DDX60: variants seen among roughly 807,000 people sequenced by gnomAD.
DDX60 encodes the protein probable ATP-dependent RNA helicase DDX60.
A neutral mutation model predicts 212.8 loss-of-function variants in DDX60; 165 were observed. The ratio of observed to expected loss-of-function variants is 0.78; its 90% CI spans 0.68 to 0.88. The LOEUF (loss-of-function observed/expected upper bound fraction) is 0.88, where lower values mean the gene tolerates loss of function less well. Ranked by LOEUF, DDX60 falls within the 40% of genes least tolerant of loss-of-function variation. The pLI is 0.00. For synonymous variants in DDX60, 703 were observed against 685.3 expected (o/e 1.03, Z -0.40); for missense variants, 1,905 against 2,003.9 (o/e 0.95, Z 0.94).
intron 8 of DDX60, among the ~76,000 whole-genome samples, chr4:168,289,779 C>T (rs996648678): frequency 6.6e-6 from 1 of 152,166 alleles, no homozygotes; most frequent in African/African-American, 2.4e-5. Context: ...TCCTTTCCCT[C>T]GTTACCCATA....
At chr4:168,256,242 G>T in intron 25 of DDX60, among the ~76,000 whole-genome samples, 1 of 151,904 alleles carries the variant, frequency 6.6e-6, no homozygotes, top group East Asian at 1.9e-4. Context: ...CCATTTATAT[G>T]CAGAAGACAG....
Position 168,308,056 on chromosome 4 carries a change from G to A in DDX60, c.214C>T (p.Leu72Phe), listed in dbSNP as rs1035587855. ...CCTCCTTTGCTAATAAGATCCACAA[G>A]ATAGCGTTCAACCAGATAGAAGAAA... ...LHFFYLVERY[L>F]VDLISKGGQF... The change falls in exon 4 of 38, where the codon CTT (leucine) becomes TTT (phenylalanine). Residue 72 changes from leucine (L) to phenylalanine (F), a missense_variant. Leu to Phe is a conservative substitution (Grantham distance 22). Transcript: ENST00000393743. 6.2e-7 allele frequency: 1 copy of A among 1,610,570 alleles called. No homozygotes were observed. Among genetic ancestry groups the A allele is most frequent in the Non-Finnish European group, 8.5e-7 (1 of 1,179,446 alleles).
intron 22 of DDX60, among the ~76,000 whole-genome samples, chr4:168,263,020 T>C (rs1734688432): frequency 6.6e-6 from 1 of 152,176 alleles, no homozygotes. Context: ...CAAGACCTTT[T>C]CATTGTGCTA....
In DDX60 at chr4:168,237,703, G is replaced by C; in HGVS notation, c.4257C>G (p.Phe1419Leu). 1 of 1,610,794 alleles carries C rather than the reference G, an allele frequency of 6.2e-7. No individual in the cohort carries two copies. Among genetic ancestry groups the C allele is most frequent in the East Asian group, 2.2e-5 (1 of 44,634 alleles). Residue 1419 changes from phenylalanine to leucine, a missense_variant, in exon 31 of 38, where the codon TTC becomes TTG. Coordinates refer to ENST00000393743, the MANE Select transcript of DDX60 (RefSeq NM_017631.6). ...CAGTAATGCATACCTCTTTCACCAG[G>C]AACTGCAAAGAAAACAGGAAGTAAA... ...LKLYFLFSLQ[F>L]LVKEGYLDQE...
At chr4:168,302,499 G>T in intron 5 of DDX60, 83 bp from the exon 6 acceptor site, 4 of 589,732 alleles carry the variant, frequency 6.8e-6, no homozygotes, top group Non-Finnish European at 1.1e-5. Context: ...ACATATTTTA[G>T]ATATAATTAT....
rs1221857003 is a variant in DDX60 at position 168,287,061 on chromosome 4, T to C, written c.1326A>G (p.Pro442=). The part of the protein sequence containing the change: ...TTKVCFLEKK[P]SPIKDSSNEM... ...GAAATTTATTACCTTTGATTGGTGATGGTTTCTTTTCAAGAAAACAAACTT... is the reference window on the plus strand; with the variant it reads ...GAAATTTATTACCTTTGATTGGTGACGGTTTCTTTTCAAGAAAACAAACTT... The change falls in exon 10 of 38, where the codon CCA becomes CCG. Residue 442 remains proline (P), a synonymous_variant. Coordinates refer to ENST00000393743, the MANE Select transcript of DDX60 (RefSeq NM_017631.6). 15 of 1,604,536 alleles carry C rather than the reference T, an allele frequency of 9.3e-6. No homozygotes were observed. The highest frequency in any genetic ancestry group is 1.3e-5 in the Non-Finnish European group (15 of 1,177,868).
In DDX60 at chr4:168,237,702, G is replaced by A; in HGVS notation, c.4258C>T (p.Leu1420=). The part of the protein sequence containing the change: ...KLYFLFSLQF[L]VKEGYLDQEG... ...GCAGTAATGCATACCTCTTTCACCA[G>A]GAACTGCAAAGAAAACAGGAAGTAA... Residue 1420 remains leucine (L), a synonymous_variant, in exon 31 of 38, where the codon CTG becomes TTG. Coordinates refer to ENST00000393743, the MANE Select transcript of DDX60 (RefSeq NM_017631.6). 6.2e-7 allele frequency: 1 copy of A among 1,610,870 alleles called. No homozygotes were observed. Among genetic ancestry groups the A allele is most frequent in the Non-Finnish European group, 8.5e-7 (1 of 1,178,508 alleles).
intron 29 of DDX60, among the ~76,000 whole-genome samples, chr4:168,247,340 T>C (rs1377428375): frequency 6.6e-6 from 1 of 152,004 alleles, no homozygotes; most frequent in Non-Finnish European, 1.5e-5. Context: ...TTCCCAAAAA[T>C]GAGTCAGAAG....
At chr4:168,254,003 T>C (rs990595395) in intron 26 of DDX60, among the ~76,000 whole-genome samples, 14 of 152,348 alleles carry the variant, frequency 9.2e-5, no homozygotes, top group African/African-American at 3.1e-4. Flanking sequence ...TACCTTTAAC[T>C]CAGGGGAGAA....
chr4:168,267,068 A>G (rs1333703624), intron 22 of DDX60, among the ~76,000 whole-genome samples: 3 of 152,200 alleles, frequency 2.0e-5, no homozygotes, highest in Non-Finnish European at 2.9e-5. Flanking sequence ...AGAAAAAGTA[A>G]GTAATCTTTC....
At chr4:168,236,212 G>GT (rs760440765) in intron 33 of DDX60, 40 bp downstream of exon 33, 2 of 1,588,432 alleles carry the variant, frequency 1.3e-6, no homozygotes, top group African/African-American at 2.7e-5. Flanking sequence ...CTATTTAGTG[G>GT]TTTTACATTA....
rs751054138 is a variant in DDX60, at chr4:168,273,298, T to C, written c.2555A>G (p.His852Arg). ...LCGVFTREYR[H>R]DALNCQVLIT... ...CCCTACCTGACAGTTTAAGGCATCA[T>C]GACGATACTCCCTGGTGAAAACACC... Residue 852 changes from histidine to arginine, a missense_variant, in exon 18 of 38, where the codon CAT (histidine) becomes CGT (arginine). Coordinates refer to ENST00000393743, the MANE Select transcript of DDX60 (RefSeq NM_017631.6). 11 of 1,613,774 alleles carry C rather than the reference T, an allele frequency of 6.8e-6. No homozygotes were observed. The highest frequency in any genetic ancestry group is 9.3e-6 in the Non-Finnish European group (11 of 1,179,854).
At chr4:168,325,473 G>T in the DDX60 span, among the ~76,000 whole-genome samples, 1 of 152,086 alleles carries the variant, frequency 6.6e-6, no homozygotes. Context: ...TAAACCTATG[G>T]TATTAATAAA....
chr4:168,243,478 A>G (rs527487584), intron 30 of DDX60, among the ~76,000 whole-genome samples: 1 of 152,376 alleles, frequency 6.6e-6, no homozygotes, highest in South Asian at 2.1e-4. Flanking sequence ...AAAAAAAGAC[A>G]TACATGCAGC....
At chr4:168,315,952 T>A (rs1451839029) in intron 1 of DDX60, among the ~76,000 whole-genome samples, 1 of 152,180 alleles carries the variant, frequency 6.6e-6, no homozygotes, top group African/African-American at 2.4e-5. Flanking sequence ...AGTAATGGGA[T>A]TGCTGGGTCG....
chr4:168,293,311 G>A (rs1314872766), intron 7 of DDX60, among the ~76,000 whole-genome samples: 1 of 152,256 alleles, frequency 6.6e-6, no homozygotes, highest in East Asian at 1.9e-4. Context: ...TTGATATTGT[G>A]GAACTTGCAC....
At chr4:168,238,420 GA>G (rs1733712071) in intron 30 of DDX60, among the ~76,000 whole-genome samples, 1 of 59,786 alleles carries the variant, frequency 1.7e-5, no homozygotes, top group South Asian at 1.1e-3. Flanking sequence ...GAGGAGAGGG[GA>G]GGGAAGGGAA....
chr4:168,241,659 C>G (rs1198821605), intron 30 of DDX60, among the ~76,000 whole-genome samples: 1 of 152,116 alleles, frequency 6.6e-6, no homozygotes, highest in Non-Finnish European at 1.5e-5. Flanking sequence ...GCAAAGCATT[C>G]AAGAGGTGCC....
rs1243118818 is a variant in DDX60 at position 168,306,234 on chromosome 4, C to G, written c.606+145G>C. 2.6e-5 allele frequency: 14 copies of G among 548,816 alleles called. 1 individual carries two copies. The highest frequency in any genetic ancestry group is 2.0e-4 in the Admixed American group (6 of 29,316). The allele number at this position is 548,816 out of a possible 1,614,324, so 34.0% of individuals were successfully genotyped here. A position where few individuals can be genotyped will look rare whatever the true frequency, so the allele number is the denominator to read the frequency against. On this transcript the variant is annotated intron_variant, in intron 5 of 37. Coordinates refer to ENST00000393743, the MANE Select transcript of DDX60 (RefSeq NM_017631.6). ...TGATAAATGACTGCATTTGCATTAT[C>G]ATTATTTACTTAATATTATTAATTG...
Sources: allele counts gnomAD v4.1 joint callset (sites outside exome capture counted in the v4.1 genomes callset), GRCh38; gene constraint gnomAD v4.1.1; transcripts MANE v1.5; gene names NCBI Gene and HGNC (gene_info 2026-07-23, HGNC 2026-07-21).